Variants in ACACB observed in about 807,000 individuals in gnomAD.
ACACB encodes the protein acetyl-CoA carboxylase beta, also known as acetyl-CoA carboxylase 2.
ACACB carries 209 observed loss-of-function variants against 278.8 expected under a neutral mutation model. That is an observed-to-expected ratio of 0.75 (90% CI 0.67 to 0.84). The LOEUF is 0.84. ACACB is among the 40% of genes least tolerant of loss of function. The pLI is 0.00. For synonymous variants in ACACB, 1,174 were observed against 1,285.6 expected, an observed-to-expected ratio of 0.91 and a Z score of 1.86; for missense variants, 2,850 against 3,269.0, an observed-to-expected ratio of 0.87 and a Z score of 3.13.
chr12:109,237,246 C>A lies in ACACB; in HGVS notation c.4528C>A (p.Leu1510Met), dbSNP rs1593665591. 6.2e-7 allele frequency: 1 copy of A among 1,614,216 alleles called. No homozygotes were observed. Among genetic ancestry groups the A allele is most frequent in the Non-Finnish European group, 8.5e-7 (1 of 1,180,042 alleles). ...ACTTAACCGGATGCGTAACTTCGATCTGACCGCCGTGCCCTGTGCCAACCA... is the reference window on the plus strand; with the variant it reads ...ACTTAACCGGATGCGTAACTTCGATATGACCGCCGTGCCCTGTGCCAACCA... ...LELNRMRNFD[L>M]TAVPCANHKM... The change falls in exon 34 of 53, where the codon CTG becomes ATG. Residue 1510 changes from leucine to methionine, a missense_variant. Leu to Met is a conservative substitution (Grantham distance 15). This residue lies in a region of ACACB where 2,265 missense variants were observed against 2,561.3 expected (regional missense o/e 0.88). Transcript: ENST00000338432.
intron 22 of ACACB, among the ~76,000 whole-genome samples, chr12:109,214,102 G>GA (rs370729692): frequency 0.068 from 9,803 of 143,978 alleles, 777 homozygotes; most frequent in African/African-American, 0.19. Context: ...AAAAAAAAAA[G>GA]AAAAAAAAAA....
Position 109,191,845 on chromosome 12 carries a change from A to T in ACACB, c.2296-2A>T, listed in dbSNP as rs1345203066. On this transcript the variant is annotated splice_acceptor_variant, in intron 14 of 52. Transcript: ENST00000338432. LOFTEE classifies it high-confidence loss of function. The stretch of plus-strand genomic sequence containing the variant: ...AGGATACTGAAGTGCATTTTCTCCT[A>T]GGCGGAGAAACCGGATATCATGCTT... 1 of 1,614,028 alleles carries T rather than the reference A, an allele frequency of 6.2e-7. No individual in the cohort carries two copies. Among genetic ancestry groups the T allele is most frequent in the Non-Finnish European group, 8.5e-7 (1 of 1,180,036 alleles).
At position 109,260,565 on chromosome 12, in the gene ACACB, G is replaced by T. The variant is rs764874645; in HGVS notation, c.6582G>T (p.Pro2194=). 40 of 1,613,914 alleles carry T rather than the reference G, an allele frequency of 2.5e-5. No homozygotes were observed. Among genetic ancestry groups the T allele is most frequent in the Non-Finnish European group, 3.4e-5 (40 of 1,179,998 alleles). ...AACAGCCCATCCTGATCTATATCCC[G>T]CCCTATGCGGAGCTCCGGGGAGGCT... is the stretch of plus-strand genomic sequence containing the variant. ...QYKQPILIYI[P]PYAELRGGSW... Residue 2194 remains proline (P), a synonymous_variant, in exon 48 of 53, where the codon CCG becomes CCT. Coordinates refer to ENST00000338432, the MANE Select transcript of ACACB (RefSeq NM_001093.4).
chr12:109,245,929 A>C (rs1419286244), intron 38 of ACACB, among the ~76,000 whole-genome samples, 181 bp downstream of exon 38: 1 of 152,078 alleles, frequency 6.6e-6, no homozygotes, highest in Non-Finnish European at 1.5e-5. Flanking sequence ...TCTCTACATA[A>C]AATTTTAAAA....
Position 109,126,367 on chromosome 12 carries a change from G to A in ACACB, c.-10+9663G>A, listed in dbSNP as rs181900382. 1.2e-4 allele frequency among the ~76,000 whole-genome samples: 18 copies of A among 152,274 alleles called. No homozygotes were observed. The East Asian group carries it at 2.1e-3, about 18-fold the overall frequency. On this transcript the variant is annotated intron_variant, in intron 1 of 52. Coordinates refer to ENST00000338432, the MANE Select transcript of ACACB (RefSeq NM_001093.4). ...AACCATTCAGGCCAGTTTTGCTTGG[G>A]ATGGCAGATTCACCACATCAAGAAT...
At chr12:109,194,581 A>G (rs1450622427) in intron 16 of ACACB, among the ~76,000 whole-genome samples, 1 of 68,726 alleles carries the variant, frequency 1.5e-5, no homozygotes, top group Non-Finnish European at 3.4e-5. Flanking sequence ...CTGGGATTAC[A>G]GTCATGAGCC....
chr12:109,181,840 CTTTTTTT>C (rs34174568), intron 11 of ACACB, among the ~76,000 whole-genome samples: 2 of 81,580 alleles, frequency 2.5e-5, no homozygotes, highest in African/African-American at 5.1e-5. Context: ...TTTTCCTTTC[CTTTTTTT>C]TTTTTTTTTT....
At chr12:109,234,070 T>C in intron 31 of ACACB, 25 bp downstream of exon 31, 1 of 1,561,572 alleles carries the variant, frequency 6.4e-7, no homozygotes, top group Non-Finnish European at 8.7e-7. Context: ...CCTCTGGTTT[T>C]GGTGGGGGTT....
At chr12:109,189,838 C>T (rs2044801365) in intron 13 of ACACB, among the ~76,000 whole-genome samples, 1 of 152,190 alleles carries the variant, frequency 6.6e-6, no homozygotes, top group Non-Finnish European at 1.5e-5. Context: ...CGGCCAGGCA[C>T]AGTGGCTCAT....
intron 24 of ACACB, among the ~76,000 whole-genome samples, chr12:109,221,166 C>T (rs1055490832): frequency 6.6e-5 from 10 of 152,084 alleles, no homozygotes; most frequent in South Asian, 4.2e-4. Flanking sequence ...CATTGATGTT[C>T]CTGTGTCTTT....
intron 2 of ACACB, among the ~76,000 whole-genome samples, chr12:109,161,084 C>T (rs6606694): frequency 0.069 from 10,441 of 152,158 alleles, 839 homozygotes; most frequent in African/African-American, 0.2. Flanking sequence ...ATTAGTACAA[C>T]CTCTGTGGAA....
At chr12:109,149,203 A>G (rs2043311559) in intron 2 of ACACB, among the ~76,000 whole-genome samples, 1 of 152,212 alleles carries the variant, frequency 6.6e-6, no homozygotes, top group Non-Finnish European at 1.5e-5. Context: ...CTTGGACTCC[A>G]GGACGGGCAC....
In ACACB at chr12:109,235,379, C is replaced by T; in HGVS notation, c.4404+10C>T. 1 of 1,611,080 alleles carries T rather than the reference C, an allele frequency of 6.2e-7. No individual in the cohort carries two copies. ...CTTGATTGCCCAAGAGGTTAGTTCACAGTTCATCTCTATGAGTCTTTCCCA... is the reference window on the plus strand; with the variant it reads ...CTTGATTGCCCAAGAGGTTAGTTCATAGTTCATCTCTATGAGTCTTTCCCA... On this transcript the variant is annotated intron_variant, in intron 32 of 52. Coordinates refer to ENST00000338432, the MANE Select transcript of ACACB (RefSeq NM_001093.4).
At chr12:109,172,467 C>A in intron 6 of ACACB, 111 bp downstream of exon 6, 1 of 961,140 alleles carries the variant, frequency 1.0e-6, no homozygotes, top group Non-Finnish European at 1.6e-6. Flanking sequence ...CGTTTGATTT[C>A]CCACCTCACA....
In ACACB at chr12:109,265,258, T is replaced by G; in HGVS notation, c.7091T>G (p.Val2364Gly). 6.2e-7 allele frequency: 1 copy of G among 1,613,132 alleles called. No homozygotes were observed. ...HIQSMLRRWFVETEGAVKAYL... is the reference protein window; with the variant it reads ...HIQSMLRRWFGETEGAVKAYL... The stretch of plus-strand genomic sequence containing the variant: ...CAGTCCATGCTGCGTCGCTGGTTCG[T>G]GGAGACGGAGGGGGCTGTCAAGGTG... The change falls in exon 51 of 53, where the codon GTG becomes GGG. Residue 2364 changes from valine to glycine, a missense_variant. Physicochemically the swap from Val to Gly is moderately radical, Grantham distance 109 (BLOSUM62 -3). Coordinates refer to ENST00000338432, the MANE Select transcript of ACACB (RefSeq NM_001093.4).
intron 45 of ACACB, 40 bp from the exon 46 acceptor site, chr12:109,258,228 G>C: frequency 6.5e-7 from 1 of 1,537,136 alleles, no homozygotes; most frequent in Non-Finnish European, 8.9e-7. Flanking sequence ...TGCACCTGGG[G>C]TGCTGCCCAG....
intron 20 of ACACB, among the ~76,000 whole-genome samples, chr12:109,208,839 G>A (rs1385863666): frequency 6.6e-6 from 1 of 152,168 alleles, no homozygotes; most frequent in African/African-American, 2.4e-5. Context: ...TGAAAAGAAA[G>A]TTCCTAGAAC....
intron 2 of ACACB, among the ~76,000 whole-genome samples, chr12:109,152,995 T>C (rs1236431941): frequency 1.3e-5 from 2 of 151,976 alleles, no homozygotes; most frequent in Admixed American, 1.3e-4. Context: ...TTCATGTTTT[T>C]GTTTGTTTTG....
upstream of ACACB, among the ~76,000 whole-genome samples, chr12:109,113,655 A>G (rs2042350479): frequency 6.6e-6 from 1 of 151,218 alleles, no homozygotes; most frequent in African/African-American, 2.4e-5. Flanking sequence ...ATCTCTGTTC[A>G]AATTCACTTT....
Sources: allele counts gnomAD v4.1 joint callset (sites outside exome capture counted in the v4.1 genomes callset), GRCh38; gene constraint gnomAD v4.1.1; regional missense constraint gnomAD v4.1.1; transcripts MANE v1.5; gene names NCBI Gene and HGNC (gene_info 2026-07-23, HGNC 2026-07-21).